The following PARN variants were observed in gnomAD, a reference collection of about 807,000 sequenced individuals.
PARN encodes the protein poly(A)-specific ribonuclease, also known as poly(A)-specific ribonuclease PARN.
Under a neutral mutation model 102.8 loss-of-function variants are expected in PARN, and 71 were observed. The ratio of observed to expected loss-of-function variants is 0.69; its 90% CI spans 0.57 to 0.84. The LOEUF (loss-of-function observed/expected upper bound fraction) is 0.84. Among genes scored for constraint, PARN ranks in the 40% least tolerant of loss-of-function variants. PARN has a pLI of 0.00. For synonymous variants in PARN, 261 were observed against 252.9 expected, an observed-to-expected ratio of 1.03 and a Z score of -0.30; for missense variants, 782 against 760.9, an observed-to-expected ratio of 1.03 and a Z score of -0.33.
intron 21 of PARN, among the ~76,000 whole-genome samples, chr16:14,501,866 T>G (rs544009989): frequency 1.3e-5 from 2 of 152,238 alleles, no homozygotes; most frequent in Non-Finnish European, 2.9e-5. Flanking sequence ...GAGCCTGTTC[T>G]GTCACAACTC....
intron 18 of PARN, among the ~76,000 whole-genome samples, chr16:14,563,645 C>T (rs980391341): frequency 1.3e-5 from 2 of 151,936 alleles, no homozygotes; most frequent in African/African-American, 4.8e-5. Context: ...AAGTGATCCT[C>T]CCACCTCAGC....
intron 13 of PARN, among the ~76,000 whole-genome samples, chr16:14,592,269 C>T (rs1257792645): frequency 1.3e-5 from 2 of 152,162 alleles, no homozygotes; most frequent in African/African-American, 4.8e-5. Context: ...CAATTCAAAA[C>T]AACACTTAGT....
intron 21 of PARN, among the ~76,000 whole-genome samples, chr16:14,546,630 G>A (rs1966961039): frequency 6.6e-6 from 1 of 152,098 alleles, no homozygotes; most frequent in African/African-American, 2.4e-5. Context: ...ATTATATTCA[G>A]AGACACAATG....
intron 22 of PARN, among the ~76,000 whole-genome samples, chr16:14,450,946 G>T (rs1018108825): frequency 2.0e-5 from 3 of 151,672 alleles, no homozygotes; most frequent in Non-Finnish European, 4.4e-5. Context: ...ACATCAATAC[G>T]TAAGACAAGG....
At chr16:14,599,027 T>C (rs1230422086) in intron 12 of PARN, among the ~76,000 whole-genome samples, 1 of 150,346 alleles carries the variant, frequency 6.7e-6, no homozygotes, top group Non-Finnish European at 1.5e-5. Context: ...CCTGTTTTCT[T>C]TCTCCTCTTC....
At chr16:14,546,044 A>T (rs942726206) in intron 21 of PARN, among the ~76,000 whole-genome samples, 4 of 152,218 alleles carry the variant, frequency 2.6e-5, no homozygotes, top group African/African-American at 9.6e-5. Context: ...CTTGAGAGAG[A>T]TCAACAAAAT....
At chr16:14,606,394 AG>A (rs113976422) in intron 10 of PARN, 89 bp downstream of exon 10, 27,979 of 493,748 alleles carry the variant, frequency 0.057, 63 homozygotes, top group South Asian at 0.077. Context: ...AAAGACCCTG[AG>A]GGAAAAAAAA....
At chr16:14,491,428 C>T (rs987628224) in intron 21 of PARN, among the ~76,000 whole-genome samples, 2 of 151,960 alleles carry the variant, frequency 1.3e-5, no homozygotes, top group African/African-American at 4.8e-5. Context: ...TAGGGTTTAT[C>T]ATAGTAGTTT....
chr16:14,521,537 G>A (rs936949380), intron 21 of PARN, among the ~76,000 whole-genome samples: 14 of 152,160 alleles, frequency 9.2e-5, no homozygotes, highest in African/African-American at 3.4e-4. Flanking sequence ...GGTGGCTCAC[G>A]CCTGTAATCC....
chr16:14,601,032 T>TA (rs1486801065), intron 11 of PARN, among the ~76,000 whole-genome samples: 2 of 152,184 alleles, frequency 1.3e-5, no homozygotes, highest in African/African-American at 4.8e-5. Context: ...ATGAAAATGT[T>TA]AAACAGTGCA....
chr16:14,598,186 A>G (rs933370212), intron 12 of PARN, among the ~76,000 whole-genome samples: 3 of 152,014 alleles, frequency 2.0e-5, no homozygotes, highest in Non-Finnish European at 4.4e-5. Context: ...GGATTTACGC[A>G]TCTTATTTTA....
intron 6 of PARN, among the ~76,000 whole-genome samples, chr16:14,615,896 G>T: frequency 6.9e-6 from 1 of 144,424 alleles, no homozygotes; most frequent in Non-Finnish European, 1.5e-5. Flanking sequence ...GTGAGATTCT[G>T]TCTCAAAAAA....
At chr16:14,462,387 A>C (rs1357699504) in intron 22 of PARN, among the ~76,000 whole-genome samples, 1 of 152,212 alleles carries the variant, frequency 6.6e-6, no homozygotes. Flanking sequence ...GGATAAATCC[A>C]GGAAACCGAC....
intron 21 of PARN, among the ~76,000 whole-genome samples, chr16:14,531,155 CCAA>C (rs1966305763): frequency 6.6e-6 from 1 of 152,078 alleles, no homozygotes; most frequent in Admixed American, 6.6e-5. Flanking sequence ...AACAGCCTGT[CCAA>C]CAGAGTGAAA....
intron 22 of PARN, among the ~76,000 whole-genome samples, chr16:14,480,322 T>C (rs1024236745): frequency 6.6e-6 from 1 of 152,164 alleles, no homozygotes; most frequent in Non-Finnish European, 1.5e-5. Context: ...AGCAAGACTC[T>C]GTCTCAAAAG....
intron 21 of PARN, among the ~76,000 whole-genome samples, chr16:14,520,188 G>C (rs761129956): frequency 4.6e-5 from 7 of 152,166 alleles, no homozygotes; most frequent in Non-Finnish European, 7.4e-5. Context: ...GAATAACCTT[G>C]CTTCTTCAAC....
In PARN at chr16:14,627,289, C is replaced by T; in HGVS notation, c.225G>A (p.Lys75=). ...CCTACTTTGAATCTGTGTAGTCATACTTAAAAGTGCAAAGGCCAAACTGAA... is the reference window on the plus strand; with the variant it reads ...CCTACTTTGAATCTGTGTAGTCATATTTAAAAGTGCAAAGGCCAAACTGAA... ...LLFQFGLCTF[K]YDYTDSKYIT... The change falls in exon 4 of 24, where the codon AAG becomes AAA. Residue 75 remains lysine, a synonymous_variant. Coordinates refer to ENST00000437198, the MANE Select transcript of PARN (RefSeq NM_002582.4). 1 of 1,594,866 alleles carries T rather than the reference C, an allele frequency of 6.3e-7. No homozygotes were observed.
chr16:14,575,679 G>A (rs1284282155), intron 18 of PARN, among the ~76,000 whole-genome samples: 1 of 152,120 alleles, frequency 6.6e-6, no homozygotes, highest in African/African-American at 2.4e-5. Flanking sequence ...TTTGGACTGT[G>A]GACTTTTAAG....
intron 5 of PARN, among the ~76,000 whole-genome samples, chr16:14,619,309 A>T (rs116267897): frequency 0.01 from 1,533 of 151,654 alleles, 27 homozygotes; most frequent in African/African-American, 0.035. Flanking sequence ...AAATAAAAAC[A>T]TTAGACTGGG....
Sources: allele counts gnomAD v4.1 joint callset (sites outside exome capture counted in the v4.1 genomes callset), GRCh38; gene constraint gnomAD v4.1.1; transcripts MANE v1.5; gene names NCBI Gene and HGNC (gene_info 2026-07-23, HGNC 2026-07-21).